ERCC3: variants seen among roughly 807,000 people sequenced by gnomAD.
ERCC3 encodes ERCC excision repair 3, TFIIH core complex helicase subunit.
ERCC3 carries 66 observed loss-of-function variants against 94.2 expected under a neutral mutation model. The ratio of observed to expected loss-of-function variants is 0.70; its 90% CI spans 0.57 to 0.86. The LOEUF is 0.86. Among genes scored for constraint, ERCC3 ranks in the 40% least tolerant of loss-of-function variants. The pLI is 0.00. For missense variants in ERCC3, 829 were observed against 987.1 expected (o/e 0.84, Z 2.15); for synonymous variants, 349 against 369.1 (o/e 0.95, Z 0.63).
At chr2:127,260,910 C>G (rs1178249812) in intron 13 of ERCC3, 1 of 393,080 alleles carries the variant, frequency 2.5e-6, no homozygotes, top group East Asian at 5.4e-5. Context: ...AAACTAAGGC[C>G]TGGAGCTTAC....
Position 127,259,606 on chromosome 2 carries a change from C to T in ERCC3, c.2065-158G>A. 2 of 892,148 alleles carry T rather than the reference C, an allele frequency of 2.2e-6. No individual in the cohort carries two copies. Among genetic ancestry groups the T allele is most frequent in the Non-Finnish European group, 3.7e-6 (2 of 545,806 alleles). 55.3% of individuals were successfully genotyped at this position (892,148 alleles called of 1,614,324 possible). On this transcript the variant is annotated intron_variant, in intron 13 of 14. Transcript: ENST00000285398. The surrounding 1 kb of genome is among the most constrained non-coding windows in gnomAD (Gnocchi z 4.9). ...AGCTCCTCCCTAGCATTCCAGAGAC[C>T]AGCATCAGGAGCCGCCTTTAACAGG...
rs1207569874 is a variant in ERCC3, at chr2:127,258,329, G to A, written c.2218-602C>T. Among the ~76,000 whole-genome samples the A allele has an allele frequency of 6.6e-6, 1 of 152,164 alleles. No homozygotes were observed. The highest frequency in any genetic ancestry group is 2.4e-5 in the African/African-American group (1 of 41,438). ...ATCAAGTGGAAGGACAGAAAGCCCT[G>A]GGCTTGACTCTTGGCTCCTCCTGTC... On this transcript the variant is annotated intron_variant, in intron 14 of 14. Transcript: ENST00000285398. This position sits in a 1 kb window ranked among gnomAD's most constrained non-coding sequence, Gnocchi z 4.1.
chr2:127,259,608 G>A lies in ERCC3; in HGVS notation c.2065-160C>T, dbSNP rs148654165. 6.6e-4 allele frequency: 560 copies of A among 853,708 alleles called. 2 individuals carry two copies. The African/African-American group carries it at 7.8e-3, about 12-fold the overall frequency. The allele number at this position is 853,708 out of a possible 1,614,324, so 52.9% of individuals were successfully genotyped here. A position where few individuals can be genotyped will look rare whatever the true frequency, so the allele number is the denominator to read the frequency against. ...CTCCTCCCTAGCATTCCAGAGACCA[G>A]CATCAGGAGCCGCCTTTAACAGGGA... is the stretch of plus-strand genomic sequence containing the variant. On this transcript the variant is annotated intron_variant, in intron 13 of 14. Transcript: ENST00000285398. The surrounding 1 kb of genome is among the most constrained non-coding windows in gnomAD (Gnocchi z 4.9).
Position 127,277,115 on chromosome 2 carries a change from C to T in ERCC3, c.1730+2058G>A, listed in dbSNP as rs897775772. Reference sequence around the variant, plus strand: ...CAGGGTGGGAAACACAACAAAGAGGCCCAGGGAAGTCATGGGGTAGTGTCC... The same window carrying T: ...CAGGGTGGGAAACACAACAAAGAGGTCCAGGGAAGTCATGGGGTAGTGTCC... On this transcript the variant is annotated intron_variant, in intron 10 of 14. Transcript: ENST00000285398. The surrounding 1 kb of genome is among the most constrained non-coding windows in gnomAD (Gnocchi z 5.1). 1.3e-5 allele frequency among the ~76,000 whole-genome samples: 2 copies of T among 152,090 alleles called. No individual in the cohort carries two copies. The highest frequency in any genetic ancestry group is 2.9e-5 in the Non-Finnish European group (2 of 68,026).
chr2:127,287,881 G>A (rs1037290351), intron 7 of ERCC3, among the ~76,000 whole-genome samples: 4 of 151,998 alleles, frequency 2.6e-5, no homozygotes, highest in Admixed American at 6.6e-5. Flanking sequence ...AAGATCAAGA[G>A]AAAAATCAAG....
chr2:127,281,971 A>T (rs1314051796), intron 8 of ERCC3, among the ~76,000 whole-genome samples: 1 of 152,118 alleles, frequency 6.6e-6, no homozygotes, highest in Non-Finnish European at 1.5e-5. Context: ...CTGACCCAAG[A>T]CAAGGATAAG....
Position 127,257,763 on chromosome 2 carries a change from C to A in ERCC3, c.2218-36G>T. 1 of 1,613,736 alleles carries A rather than the reference C, an allele frequency of 6.2e-7. No homozygotes were observed. Among genetic ancestry groups the A allele is most frequent in the African/African-American group, 1.3e-5 (1 of 75,022 alleles). Reference sequence around the variant, plus strand: ...GGGGGAACCAGCCCATGTTAGTCTCCAGAAGAAAAGATACTCCTTTTATAA... The same window carrying A: ...GGGGGAACCAGCCCATGTTAGTCTCAAGAAGAAAAGATACTCCTTTTATAA... On this transcript the variant is annotated intron_variant, in intron 14 of 14. Transcript: ENST00000285398. The surrounding 1 kb of genome is among the most constrained non-coding windows in gnomAD (Gnocchi z 5.4).
rs572798484 is a variant in ERCC3 at position 127,258,104 on chromosome 2, T to C, written c.2218-377A>G. Reference sequence around the variant, plus strand: ...AATAACAACTTCTGAACAAACTTTTTTTTTTTAAGAGAGAAACAGGGTCTC... The same window carrying C: ...AATAACAACTTCTGAACAAACTTTTCTTTTTTAAGAGAGAAACAGGGTCTC... On this transcript the variant is annotated intron_variant, in intron 14 of 14. Transcript: ENST00000285398. The surrounding 1 kb of genome is among the most constrained non-coding windows in gnomAD (Gnocchi z 4.1). Among the ~76,000 whole-genome samples, 1 of 152,312 alleles carries C rather than the reference T, an allele frequency of 6.6e-6. No individual in the cohort carries two copies. The highest frequency in any genetic ancestry group is 2.1e-4 in the South Asian group (1 of 4,818).
chr2:127,263,282 A>G (rs1684251375), intron 12 of ERCC3, among the ~76,000 whole-genome samples: 1 of 152,212 alleles, frequency 6.6e-6, no homozygotes, highest in South Asian at 2.1e-4. Context: ...GCTTCTTCCA[A>G]TCCTCAAGCA....
rs1684825729 is a variant in ERCC3 at position 127,279,071 on chromosome 2, T to C, written c.1730+102A>G. On this transcript the variant is annotated intron_variant, in intron 10 of 14. Coordinates refer to ENST00000285398, the MANE Select transcript of ERCC3 (RefSeq NM_000122.2). This position sits in a 1 kb window ranked among gnomAD's most constrained non-coding sequence, Gnocchi z 4.7. ...AACAAGATCTTTGGAGCCCAAGAAGTTCCTGAGAGAAAAACAAAAAAACAA... is the reference window on the plus strand; with the variant it reads ...AACAAGATCTTTGGAGCCCAAGAAGCTCCTGAGAGAAAAACAAAAAAACAA... 1.4e-5 allele frequency: 11 copies of C among 780,950 alleles called. No individual in the cohort carries two copies. Among genetic ancestry groups the C allele is most frequent in the Non-Finnish European group, 2.2e-5 (10 of 454,668 alleles). The allele number at this position is 780,950 out of a possible 1,614,324, so 48.4% of individuals were successfully genotyped here.
intron 3 of ERCC3, chr2:127,292,409 C>T (rs1321206858): frequency 1.4e-5 from 9 of 648,506 alleles, no homozygotes; most frequent in East Asian, 2.7e-5. Context: ...CAGAGTGTAG[C>T]GGCTCATGAG....
At position 127,274,860 on chromosome 2, in the gene ERCC3, A is replaced by T. The variant is rs1241081988; in HGVS notation, c.1731-1899T>A. Among the ~76,000 whole-genome samples, 1 of 152,158 alleles carries T rather than the reference A, an allele frequency of 6.6e-6. No individual in the cohort carries two copies. Among genetic ancestry groups the T allele is most frequent in the Non-Finnish European group, 1.5e-5 (1 of 68,028 alleles). On this transcript the variant is annotated intron_variant, in intron 10 of 14. Transcript: ENST00000285398. This position sits in a 1 kb window ranked among gnomAD's most constrained non-coding sequence, Gnocchi z 4.0. ...AGGAAAAGCACCCTCCAAGTGGAGA[A>T]TGTCACATTTACTAAATACTTACAA...
At chr2:127,273,997 T>C (rs866768387) in intron 10 of ERCC3, among the ~76,000 whole-genome samples, 3 of 150,666 alleles carry the variant, frequency 2.0e-5, no homozygotes, top group Admixed American at 6.6e-5. Context: ...ACACCAGGCA[T>C]TGAGCTGAGT....
rs1269349475 is a variant in ERCC3, at chr2:127,293,699, C to T, written c.48G>A (p.Lys16=). ...CATCCTCTTCATCCTCATAGTGCCG[C>T]TTCCTGGATTTCTTCTTGTCTGCAA... ...RADRDKKKSR[K]RHYEDEEDDE... is the part of the protein sequence containing the mutation. Residue 16 remains lysine, a synonymous_variant, in exon 2 of 15, where the codon AAG becomes AAA. Coordinates refer to ENST00000285398, the MANE Select transcript of ERCC3 (RefSeq NM_000122.2). 1.2e-6 allele frequency: 2 copies of T among 1,613,172 alleles called. No individual in the cohort carries two copies. The highest frequency in any genetic ancestry group is 1.1e-5 in the South Asian group (1 of 91,090).
chr2:127,290,703 T>C, intron 3 of ERCC3: 1 of 290,780 alleles, frequency 3.4e-6, no homozygotes, highest in Non-Finnish European at 6.7e-6. Context: ...AGCATCTTGA[T>C]GGCAGAGAAT....
intron 12 of ERCC3, among the ~76,000 whole-genome samples, chr2:127,266,373 T>C (rs1025686332): frequency 6.8e-6 from 1 of 147,124 alleles, no homozygotes; most frequent in Non-Finnish European, 1.5e-5. Context: ...TCTCGCTCTG[T>C]TGCCCAGGCT....
intron 12 of ERCC3, chr2:127,262,690 G>A (rs1684231843): frequency 6.6e-6 from 1 of 152,186 alleles, no homozygotes; most frequent in African/African-American, 2.4e-5. Context: ...GTTTCTTTTG[G>A]GAGCTGATGA....
intron 1 of ERCC3, 101 bp downstream of exon 1, chr2:127,293,953 C>A: frequency 1.3e-6 from 2 of 1,545,984 alleles, no homozygotes; most frequent in African/African-American, 1.4e-5. Context: ...GGAGGGCCAG[C>A]AGGGTCGGCC....
Position 127,286,943 on chromosome 2 carries a change from C to G in ERCC3, c.1102G>C (p.Ala368Pro), listed in dbSNP as rs1685092805. The change falls in exon 8 of 15, where the codon GCT becomes CCT. Residue 368 changes from alanine to proline, a missense_variant. Transcript: ENST00000285398. ...GCTTTCCACTGCTCCACAGAAACAGCTGAGTTGCCCAGCACCAGACAGCGT... is the reference window on the plus strand; with the variant it reads ...GCTTTCCACTGCTCCACAGAAACAGGTGAGTTGCCCAGCACCAGACAGCGT... Reference protein sequence around the residue: ...RKRCLVLGNSAVSVEQWKAQF... With the variant: ...RKRCLVLGNSPVSVEQWKAQF... 1 of 1,614,166 alleles carries G rather than the reference C, an allele frequency of 6.2e-7. No individual in the cohort carries two copies. The highest frequency in any genetic ancestry group is 8.5e-7 in the Non-Finnish European group (1 of 1,180,032).
Sources: gnomAD v4.1 joint callset for allele counts (sites outside exome capture counted in the v4.1 genomes callset) on GRCh38, gnomAD v4.1.1 for gene constraint, Gnocchi (gnomAD v3.1) non-coding constraint, MANE v1.5 for transcripts, NCBI Gene and HGNC (gene_info 2026-07-23, HGNC 2026-07-21) for gene names.